The following TNNT1 variants were observed in gnomAD, a reference collection of about 807,000 sequenced individuals.
TNNT1 encodes the protein troponin T1, slow skeletal type.
Under a neutral mutation model 50.6 loss-of-function variants are expected in TNNT1, and 53 were observed. That is an observed-to-expected ratio of 1.05 (90% CI 0.84 to 1.32). The LOEUF (loss-of-function observed/expected upper bound fraction) is 1.32. Ranked by LOEUF, TNNT1 falls within the 40% of genes most tolerant of loss-of-function variation. TNNT1 has a pLI of 0.00. For missense variants in TNNT1, 348 were observed against 381.7 expected (o/e 0.91, Z 0.74); for synonymous variants, 142 against 138.0 (o/e 1.03, Z -0.20).
intron 1 of TNNT1, among the ~76,000 whole-genome samples, chr19:55,147,683 C>CTGAGGGGGGAGGGGCTGGAGACT (rs1555860239): frequency 1.1e-5 from 1 of 90,416 alleles, no homozygotes. Flanking sequence ...GGGCTGGGGT[C>CTGAGGGGGGAGGGGCTGGAGACT]TGGACTCCTG....
At chr19:55,137,273 TC>T in intron 10 of TNNT1, 61 bp from the exon 11 acceptor site, 3 of 1,249,382 alleles carry the variant, frequency 2.4e-6, no homozygotes, top group Non-Finnish European at 2.3e-6. Flanking sequence ...CACTGCCGTG[TC>T]GGGACCCACA....
At chr19:55,147,103 A>T in intron 2 of TNNT1, 23 bp downstream of exon 2, 4 of 1,613,226 alleles carry the variant, frequency 2.5e-6, no homozygotes, top group Non-Finnish European at 3.4e-6. Context: ...GCACGCCCCA[A>T]CCCCTCCCAG....
intron 1 of TNNT1, among the ~76,000 whole-genome samples, chr19:55,148,818 A>G (rs1471353617): frequency 1.3e-5 from 2 of 151,644 alleles, no homozygotes; most frequent in Non-Finnish European, 1.5e-5. Context: ...TGAGGCCCCA[A>G]ATCCTGACAC....
rs56029837 is a variant in TNNT1 at position 55,148,937 on chromosome 19, G to A, written c.-12+224C>T. On this transcript the variant is annotated intron_variant, in intron 1 of 13. Transcript: ENST00000588981. ...TTTTATTCTGGGACATCCAAGTCCT[G>A]GCAGCCCCGGGTTAGGATTTGTGTA... Among the ~76,000 whole-genome samples, 2,067 of 152,104 alleles carry A rather than the reference G, an allele frequency of 0.014. 49 individuals carry two copies. Among genetic ancestry groups the A allele is most frequent in the African/African-American group, 0.047 (1,932 of 41,466 alleles).
intron 6 of TNNT1, among the ~76,000 whole-genome samples, chr19:55,143,359 C>T (rs1017008975): frequency 1.3e-5 from 2 of 152,134 alleles, no homozygotes; most frequent in African/African-American, 2.4e-5. Flanking sequence ...TGGGTGGTGC[C>T]GCTCTGAGGC....
chr19:55,142,722 A>AT (rs2085481832), intron 6 of TNNT1, among the ~76,000 whole-genome samples: 1 of 151,170 alleles, frequency 6.6e-6, no homozygotes, highest in Non-Finnish European at 1.5e-5. Context: ...TAATTTTTGT[A>AT]TTTTTAGTAG....
chr19:55,134,244 T>C (rs911862538), intron 11 of TNNT1, 40 bp from the exon 12 acceptor site: 3 of 1,545,920 alleles, frequency 1.9e-6, no homozygotes, highest in Non-Finnish European at 2.6e-6. Flanking sequence ...CCCAGAGAGG[T>C]TGTGGGAACC....
intron 6 of TNNT1, among the ~76,000 whole-genome samples, chr19:55,142,427 A>G (rs773131112): frequency 5.3e-4 from 80 of 152,126 alleles, no homozygotes; most frequent in Middle Eastern, 3.4e-3. Context: ...GGCACTAATC[A>G]TGTTTTATAC....
chr19:55,133,682 A>AT, intron 13 of TNNT1: 1 of 410,868 alleles, frequency 2.4e-6, no homozygotes, highest in Non-Finnish European at 4.3e-6. Flanking sequence ...AGTCTCAATA[A>AT]AAAAAAAAAA....
intron 13 of TNNT1, chr19:55,133,631 TCACTC>T: frequency 1.8e-6 from 1 of 548,860 alleles, no homozygotes; most frequent in Non-Finnish European, 3.2e-6. Context: ...TGAGCTGAGA[TCACTC>T]CACTGCACTC....
chr19:55,138,673 C>T (rs1163596415), intron 9 of TNNT1, among the ~76,000 whole-genome samples: 1 of 152,148 alleles, frequency 6.6e-6, no homozygotes, highest in Non-Finnish European at 1.5e-5. Flanking sequence ...CTGAAATAGC[C>T]GATAGTGAAC....
intron 6 of TNNT1, among the ~76,000 whole-genome samples, chr19:55,145,111 T>C (rs2085523097): frequency 7.3e-6 from 1 of 137,318 alleles, no homozygotes; most frequent in Non-Finnish European, 1.5e-5. Context: ...CTAAGCAACA[T>C]AGCAAGACCT....
intron 3 of TNNT1, 73 bp downstream of exon 3, chr19:55,146,935 C>CA (rs2085568035): frequency 6.7e-7 from 1 of 1,503,422 alleles, no homozygotes; most frequent in Admixed American, 2.1e-5. Context: ...CAAAGTGCCA[C>CA]ACTCCTCGCC....
chr19:55,136,386 C>T lies in TNNT1; in HGVS notation c.611+717G>A, dbSNP rs547026096. On this transcript the variant is annotated intron_variant, in intron 11 of 13. Coordinates refer to ENST00000588981, the MANE Select transcript of TNNT1 (RefSeq NM_003283.6). ...ACAGGCATGAGCCACCGGGCCCAGC[C>T]TGTAATTATTATTACTATCTCACTG... Among the ~76,000 whole-genome samples, 6 of 152,326 alleles carry T rather than the reference C, an allele frequency of 3.9e-5. No homozygotes were observed. In the East Asian group the frequency reaches 1.2e-3, roughly 29 times the overall value.
chr19:55,140,799 A>AATG, intron 9 of TNNT1, 84 bp downstream of exon 9: 1 of 788,574 alleles, frequency 1.3e-6, no homozygotes, highest in South Asian at 2.6e-5. Flanking sequence ...TAATAGTAAT[A>AATG]ATAATAATAA....
chr19:55,145,418 G>A (rs2085530832), intron 6 of TNNT1, 126 bp downstream of exon 6: 3 of 814,836 alleles, frequency 3.7e-6, no homozygotes, highest in Middle Eastern at 2.4e-4. Context: ...GGAGGAGGAG[G>A]AGAAATGTCG....
At chr19:55,146,555 C>G (rs1376012168) in intron 4 of TNNT1, 89 bp from the exon 5 acceptor site, 1 of 1,141,038 alleles carries the variant, frequency 8.8e-7, no homozygotes, top group Non-Finnish European at 1.2e-6. Flanking sequence ...AGGGAAGAGA[C>G]GTGAGAGGCT....
intron 11 of TNNT1, among the ~76,000 whole-genome samples, chr19:55,134,411 G>C (rs537130937): frequency 6.6e-6 from 1 of 151,990 alleles, no homozygotes; most frequent in East Asian, 2.0e-4. Context: ...ATGATTAAGA[G>C]ACCAGGCTCG....
At chr19:55,135,254 A>G (rs1271015214) in intron 11 of TNNT1, among the ~76,000 whole-genome samples, 1 of 152,080 alleles carries the variant, frequency 6.6e-6, no homozygotes, top group African/African-American at 2.4e-5. Flanking sequence ...TAGCAGCTAT[A>G]TTGGACTAAG....
Sources: allele counts gnomAD v4.1 joint callset (sites outside exome capture counted in the v4.1 genomes callset), GRCh38; gene constraint gnomAD v4.1.1; transcripts MANE v1.5; gene names NCBI Gene and HGNC (gene_info 2026-07-23, HGNC 2026-07-21).